The following DOCK3 variants were observed in gnomAD, a reference collection of about 807,000 sequenced individuals.
The protein encoded by DOCK3 is dedicator of cytokinesis protein 3.
Under a neutral mutation model 265.6 loss-of-function variants are expected in DOCK3, and 60 were observed. The observed-to-expected ratio is 0.23, with a 90% CI of 0.18 to 0.28. The LOEUF (loss-of-function observed/expected upper bound fraction) is 0.28. Among genes scored for constraint, DOCK3 ranks in the 10% least tolerant of loss-of-function variants. The pLI is 1.00. For missense variants in DOCK3, 1,981 were observed against 2,594.3 expected (o/e 0.76, Z 5.14); for synonymous variants, 881 against 938.0 (o/e 0.94, Z 1.11).
At position 50,841,345 on chromosome 3, in the gene DOCK3, A is replaced by G. The variant is rs894670284; in HGVS notation, c.122-330A>G. 2.6e-5 allele frequency among the ~76,000 whole-genome samples: 4 copies of G among 152,334 alleles called. No homozygotes were observed. The East Asian group carries it at 7.7e-4, about 29-fold the overall frequency. ...GCTGTACTCCCTATCTGCCATGAAA[A>G]AAGTGATACAATTTTAGCATTTCTC... On this transcript the variant is annotated intron_variant, in intron 2 of 52. Transcript: ENST00000266037.
intron 5 of DOCK3, among the ~76,000 whole-genome samples, chr3:51,033,190 G>GA (rs2080121414): frequency 6.6e-6 from 1 of 152,114 alleles, no homozygotes; most frequent in Admixed American, 6.6e-5. Context: ...TTGATGAGAC[G>GA]AATGAGCAAG....
intron 40 of DOCK3, 22 bp downstream of exon 40, chr3:51,350,414 C>T (rs1239460350): frequency 1.3e-6 from 2 of 1,599,500 alleles, no homozygotes; most frequent in Non-Finnish European, 1.7e-6. Flanking sequence ...CAGATGGTCA[C>T]AAGAACTTAT....
intron 9 of DOCK3, among the ~76,000 whole-genome samples, chr3:51,093,846 A>G (rs1030464751): frequency 3.3e-5 from 5 of 152,190 alleles, no homozygotes; most frequent in South Asian, 2.1e-4. Flanking sequence ...TGTTACATCA[A>G]TACCTAGTTT....
At chr3:51,239,571 T>G (rs1456794803) in intron 21 of DOCK3, among the ~76,000 whole-genome samples, 6 of 117,440 alleles carry the variant, frequency 5.1e-5, no homozygotes, top group African/African-American at 1.3e-4. Context: ...TTTTTGTTTG[T>G]TTGTTTTTTG....
chr3:50,765,824 T>C (rs1226351337), intron 1 of DOCK3, among the ~76,000 whole-genome samples: 3 of 152,208 alleles, frequency 2.0e-5, no homozygotes, highest in Non-Finnish European at 4.4e-5. Flanking sequence ...TATTGTTAAC[T>C]GTAGTCACCT....
intron 4 of DOCK3, among the ~76,000 whole-genome samples, chr3:50,905,642 TCA>T (rs1236500559): frequency 6.6e-6 from 1 of 152,144 alleles, no homozygotes; most frequent in African/African-American, 2.4e-5. Context: ...AAGTTGCTTA[TCA>T]GCTTAAGGAG....
intron 5 of DOCK3, among the ~76,000 whole-genome samples, chr3:50,975,046 ACAGTGGGAT>A (rs2077388231): frequency 6.6e-6 from 1 of 151,688 alleles, no homozygotes; most frequent in Non-Finnish European, 1.5e-5. Context: ...TTGGGCTGAG[ACAGTGGGAT>A]TTTCTAGATA....
At chr3:51,201,351 CAAAA>C (rs1192110074) in intron 12 of DOCK3, among the ~76,000 whole-genome samples, 1 of 150,928 alleles carries the variant, frequency 6.6e-6, no homozygotes, top group African/African-American at 2.4e-5. Context: ...AAATGGAAAA[CAAAA>C]AAAGGAAGGG....
At chr3:50,959,556 G>A (rs575657077) in intron 5 of DOCK3, among the ~76,000 whole-genome samples, 2,566 of 141,456 alleles carry the variant, frequency 0.018, 53 homozygotes, top group African/African-American at 0.055. Context: ...GTGTGTGTGT[G>A]TGTATATATA....
intron 1 of DOCK3, among the ~76,000 whole-genome samples, chr3:50,764,332 G>GA (rs914169122): frequency 2.6e-5 from 4 of 151,866 alleles, no homozygotes; most frequent in Non-Finnish European, 5.9e-5. Flanking sequence ...ATCAAAAATA[G>GA]AAAAAAACCT....
chr3:51,016,574 T>TATATATTATATATTTAA (rs1415994269), intron 5 of DOCK3, among the ~76,000 whole-genome samples: 1 of 91,566 alleles, frequency 1.1e-5, no homozygotes, highest in Non-Finnish European at 1.9e-5. Context: ...TATATATATA[T>TATATATTATATATTTAA]TTATATATAT....
intron 12 of DOCK3, among the ~76,000 whole-genome samples, chr3:51,173,086 GAC>G (rs1229018117): frequency 3.3e-5 from 5 of 152,112 alleles, no homozygotes; most frequent in Admixed American, 6.6e-5. Flanking sequence ...TTCTGATTTT[GAC>G]TGTATACTTA....
At chr3:50,864,624 G>T (rs919815368) in intron 3 of DOCK3, among the ~76,000 whole-genome samples, 57 of 151,750 alleles carry the variant, frequency 3.8e-4, no homozygotes, top group African/African-American at 1.1e-3. Context: ...TTTTGTATAT[G>T]GTTGAAGATG....
chr3:51,345,606 A>G (rs2085511440), intron 38 of DOCK3, among the ~76,000 whole-genome samples: 2 of 151,274 alleles, frequency 1.3e-5, no homozygotes, highest in East Asian at 4.0e-4. Context: ...TGGGTGACAG[A>G]GCAAGACCTT....
At chr3:51,129,255 G>A (rs899573696) in intron 9 of DOCK3, among the ~76,000 whole-genome samples, 1 of 152,228 alleles carries the variant, frequency 6.6e-6, no homozygotes, top group Non-Finnish European at 1.5e-5. Flanking sequence ...CTACAGGGAT[G>A]TCCTAGAAAG....
At chr3:50,806,661 C>T (rs2043436129) in intron 2 of DOCK3, among the ~76,000 whole-genome samples, 1 of 151,912 alleles carries the variant, frequency 6.6e-6, no homozygotes, top group Non-Finnish European at 1.5e-5. Flanking sequence ...CAATCTTGAG[C>T]CCAAGCTTTG....
At chr3:51,106,917 T>C (rs1328984908) in intron 9 of DOCK3, among the ~76,000 whole-genome samples, 2 of 152,234 alleles carry the variant, frequency 1.3e-5, no homozygotes, top group Non-Finnish European at 2.9e-5. Flanking sequence ...AAGATCCCGC[T>C]GCCACCACCA....
chr3:51,054,316 G>T (rs2109153561), intron 5 of DOCK3, among the ~76,000 whole-genome samples: 1 of 152,186 alleles, frequency 6.6e-6, no homozygotes, highest in African/African-American at 2.4e-5. Flanking sequence ...TATTGTTGTT[G>T]AGATGTTCCA....
chr3:51,380,253 T>G (rs781830669), intron 52 of DOCK3, 46 bp downstream of exon 52: 4 of 1,533,774 alleles, frequency 2.6e-6, no homozygotes, highest in African/African-American at 1.4e-5. Context: ...AGATGAGTCA[T>G]CTCGTCTGCT....
Sources: allele counts gnomAD v4.1 joint callset (sites outside exome capture counted in the v4.1 genomes callset), GRCh38; gene constraint gnomAD v4.1.1; transcripts MANE v1.5; gene names NCBI Gene and HGNC (gene_info 2026-07-23, HGNC 2026-07-21).